OR5B2: variants seen among roughly 807,000 people sequenced by gnomAD.
OR5B2 encodes the protein olfactory receptor 5B2.
For missense variants in OR5B2, 411 were observed against 367.0 expected (o/e 1.12, Z -0.98); for synonymous variants, 163 against 140.8 (o/e 1.16, Z -1.11).
At position 58,422,610 on chromosome 11, in the gene OR5B2, A is replaced by T; in HGVS notation, c.652T>A (p.Phe218Ile). Residue 218 changes from phenylalanine to isoleucine, a missense_variant, in exon 3 of 3, where the codon TTC (phenylalanine) becomes ATC (isoleucine). Coordinates refer to ENST00000641342, the MANE Select transcript of OR5B2 (RefSeq NM_001005566.3). The part of the protein sequence containing the change: ...VLLVIFISYL[F>I]IFITILKMHS... ...ATCTTCAAGATGGTGATGAATATGA[A>T]CAAGTAGGAGATAAAGATAACTAGA... The T allele has an allele frequency of 1.9e-6, 3 of 1,613,782 alleles. No homozygotes were observed. The highest frequency in any genetic ancestry group is 2.5e-6 in the Non-Finnish European group (3 of 1,179,836).
At chr11:58,425,372 A>T (rs1317791187) in intron 2 of OR5B2, among the ~76,000 whole-genome samples, 4 of 152,088 alleles carry the variant, frequency 2.6e-5, no homozygotes, top group Non-Finnish European at 5.9e-5. Context: ...TAGAAAAAAA[A>T]TATTTAAAGC....
At position 58,423,193 on chromosome 11, in the gene OR5B2, G is replaced by T. The variant is rs745777722; in HGVS notation, c.69C>A (p.Ile23=). 3.7e-6 allele frequency: 6 copies of T among 1,613,390 alleles called. No homozygotes were observed. In the South Asian group the frequency reaches 5.5e-5, roughly 15 times the overall value. Residue 23 remains isoleucine, a synonymous_variant, in exon 3 of 3, where the codon ATC becomes ATA. Transcript: ENST00000641342. The part of the protein sequence containing the change: ...LGLTSVPELQ[I]PLFILFTFIY... ...TGAAGGTGAACAAGATAAAGAGGGG[G>T]ATCTGTAGTTCTGGGACACTGGTTA...
chr11:58,424,481 T>C (rs576658237), intron 2 of OR5B2, among the ~76,000 whole-genome samples: 79 of 152,258 alleles, frequency 5.2e-4, no homozygotes, highest in African/African-American at 1.8e-3. Context: ...ATTTCTTCCT[T>C]GAAATTTACA....
rs1217760105 is a variant in OR5B2 at position 58,423,234 on chromosome 11, A to G, written c.28T>C (p.Phe10Leu). The G allele has an allele frequency of 1.2e-6, 2 of 1,604,496 alleles. No homozygotes were observed. The highest frequency in any genetic ancestry group is 1.7e-5 in the Admixed American group (1 of 59,172). Residue 10 changes from phenylalanine (F) to leucine (L), a missense_variant, in exon 3 of 3, where the codon TTC becomes CTC. Coordinates refer to ENST00000641342, the MANE Select transcript of OR5B2 (RefSeq NM_001005566.3). The stretch of plus-strand genomic sequence containing the variant: ...ACACTGGTTAGTCCTAGAAGAATGA[A>G]CTTTGTCACTTCCGTACAATTCTCC... MENCTEVTK[F>L]ILLGLTSVPE...
At chr11:58,424,275 A>G (rs1443473595) in intron 2 of OR5B2, among the ~76,000 whole-genome samples, 4 of 152,168 alleles carry the variant, frequency 2.6e-5, no homozygotes, top group Non-Finnish European at 4.4e-5. Context: ...ATGATCTGTT[A>G]GTTTCATAAA....
At chr11:58,425,897 T>A (rs1302974900) in intron 2 of OR5B2, among the ~76,000 whole-genome samples, 1 of 152,136 alleles carries the variant, frequency 6.6e-6, no homozygotes, top group Non-Finnish European at 1.5e-5. Context: ...GGTCACAATG[T>A]AAATCGTGTG....
In OR5B2 at chr11:58,423,107, C is replaced by G; in HGVS notation, c.155G>C (p.Cys52Ser). ...GMMLLILMDS[C>S]LHTPMYFFLS... ...GAAAAAGTACATGGGGGTGTGGAGACAAGAGTCCATCAGGATCAGCAACAT... is the reference window on the plus strand; with the variant it reads ...GAAAAAGTACATGGGGGTGTGGAGAGAAGAGTCCATCAGGATCAGCAACAT... The change falls in exon 3 of 3, where the codon TGT becomes TCT. Residue 52 changes from cysteine (C) to serine (S), a missense_variant. By Grantham distance (112) the Cys-to-Ser change is moderately radical (BLOSUM62 -1). Transcript: ENST00000641342. The G allele has an allele frequency of 6.2e-7, 1 of 1,613,638 alleles. No individual in the cohort carries two copies. The highest frequency in any genetic ancestry group is 2.2e-5 in the East Asian group (1 of 44,844).
chr11:58,422,450 A>C lies in OR5B2; in HGVS notation c.812T>G (p.Met271Arg). The change falls in exon 3 of 3, where the codon ATG becomes AGG. Residue 271 changes from methionine to arginine, a missense_variant. Physicochemically the swap from Met to Arg is moderately conservative, Grantham distance 91. Coordinates refer to ENST00000641342, the MANE Select transcript of OR5B2 (RefSeq NM_001005566.3). ...GATCATAGCATAGAACACAGATGCC[A>C]TTTTGTCTGTGTCCATGGAGTGGCT... The part of the protein sequence containing the change: ...SSSHSMDTDK[M>R]ASVFYAMIIP... 6.2e-7 allele frequency: 1 copy of C among 1,613,754 alleles called. No homozygotes were observed. Among genetic ancestry groups the C allele is most frequent in the Middle Eastern group, 1.7e-4 (1 of 6,058 alleles).
In OR5B2 at chr11:58,422,828, C is replaced by A. The variant is rs775716875; in HGVS notation, c.434G>T (p.Gly145Val). The change falls in exon 3 of 3, where the codon GGC becomes GTC. Residue 145 changes from glycine to valine, a missense_variant. Transcript: ENST00000641342. The stretch of plus-strand genomic sequence containing the variant: ...ATTTAGGAAGCCACAGACATATGAG[C>A]CTAGGGCCAGACAGGCACCTACACT... The part of the protein sequence containing the change: ...TASVGACLAL[G>V]SYVCGFLNAS... 3 of 1,613,652 alleles carry A rather than the reference C, an allele frequency of 1.9e-6. No homozygotes were observed. The South Asian group carries it at 3.3e-5, about 18-fold the overall frequency.
Position 58,423,041 on chromosome 11 carries a change from G to A in OR5B2, c.221C>T (p.Ala74Val). 6.2e-7 allele frequency: 1 copy of A among 1,613,542 alleles called. No individual in the cohort carries two copies. The highest frequency in any genetic ancestry group is 1.1e-5 in the South Asian group (1 of 91,060). Residue 74 changes from alanine to valine, a missense_variant, in exon 3 of 3, where the codon GCT (alanine) becomes GTT (valine). Physicochemically the swap from Ala to Val is moderately conservative, Grantham distance 64. Transcript: ENST00000641342. ...LSLVDFGYSS[A>V]VTPKVMAGFL... ...CCCAGCCATGACCTTGGGAGTGACA[G>A]CTGAGGAGTATCCAAAGTCCACCAG...
rs949803292 is a variant in OR5B2, at chr11:58,425,479, G to T, written c.-29+1143C>A. Among the ~76,000 whole-genome samples, 11 of 152,038 alleles carry T rather than the reference G, an allele frequency of 7.2e-5. No individual in the cohort carries two copies. The South Asian group carries it at 8.3e-4, about 11-fold the overall frequency. Reference sequence around the variant, plus strand: ...CTAAATGTATATATGGAACATAGAAGTTTACCTTGTGCCTGGAAAAAAAGA... The same window carrying T: ...CTAAATGTATATATGGAACATAGAATTTTACCTTGTGCCTGGAAAAAAAGA... On this transcript the variant is annotated intron_variant, in intron 2 of 2. Coordinates refer to ENST00000641342, the MANE Select transcript of OR5B2 (RefSeq NM_001005566.3).
chr11:58,423,564 C>T (rs557049421), intron 2 of OR5B2, among the ~76,000 whole-genome samples: 4 of 152,018 alleles, frequency 2.6e-5, no homozygotes, highest in Non-Finnish European at 5.9e-5. Context: ...CAAGATGACT[C>T]ATCTGGAACT....
intron 2 of OR5B2, among the ~76,000 whole-genome samples, chr11:58,424,715 A>G (rs1335291370): frequency 6.6e-6 from 1 of 152,114 alleles, no homozygotes; most frequent in Admixed American, 6.6e-5. Flanking sequence ...TCCTCTAACT[A>G]CTATTCATCT....
At chr11:58,425,916 A>T (rs1022159063) in intron 2 of OR5B2, among the ~76,000 whole-genome samples, 30 of 152,104 alleles carry the variant, frequency 2.0e-4, no homozygotes, top group African/African-American at 6.5e-4. Flanking sequence ...TGGACTCCTT[A>T]TTTTAAAAAA....
In OR5B2 at chr11:58,422,922, C is replaced by A; in HGVS notation, c.340G>T (p.Ala114Ser). 3 of 1,613,718 alleles carry A rather than the reference C, an allele frequency of 1.9e-6. No homozygotes were observed. The highest frequency in any genetic ancestry group is 2.5e-6 in the Non-Finnish European group (3 of 1,179,846). The change falls in exon 3 of 3, where the codon GCC becomes TCC. Residue 114 changes from alanine to serine, a missense_variant. Coordinates refer to ENST00000641342, the MANE Select transcript of OR5B2 (RefSeq NM_001005566.3). ...GCATAGCGGTCATAGGCCATTGAGG[C>A]CAACAAGTAATTTTCCACCGTGGCC... Reference protein sequence around the residue: ...ALATVENYLLASMAYDRYAAV... With the variant: ...ALATVENYLLSSMAYDRYAAV...
rs1434885427 is a variant in OR5B2 at position 58,421,708 on chromosome 11, G to GCAA, written c.*623_*624insTTG. The GCAA allele has an allele frequency of 6.6e-6, 1 of 152,034 alleles. No homozygotes were observed. The highest frequency in any genetic ancestry group is 2.4e-5 in the African/African-American group (1 of 41,412). 9.4% of individuals were successfully genotyped at this position (152,034 alleles called of 1,614,324 possible). A position where few individuals can be genotyped will look rare whatever the true frequency, so the allele number is the denominator to read the frequency against. ...AGATGATAATGATGTGTCAATGTAG[G>GCAA]TTCATCAATTGTAAAAAATGTAGCA... On this transcript the variant is annotated 3_prime_UTR_variant, in exon 3 of 3. Transcript: ENST00000641342.
At chr11:58,427,799 T>A (rs1003440779) in intron 1 of OR5B2, among the ~76,000 whole-genome samples, 4 of 152,054 alleles carry the variant, frequency 2.6e-5, no homozygotes, top group African/African-American at 9.7e-5. Context: ...CGGGAACTTT[T>A]TGAGTTTCCC....
At position 58,421,734 on chromosome 11, in the gene OR5B2, C is replaced by T. The variant is rs1855274261; in HGVS notation, c.*598G>A. 1 of 152,006 alleles carries T rather than the reference C, an allele frequency of 6.6e-6. No homozygotes were observed. The highest frequency in any genetic ancestry group is 2.1e-4 in the South Asian group (1 of 4,822). 9.4% of individuals were successfully genotyped at this position (152,006 alleles called of 1,614,324 possible). A position where few individuals can be genotyped will look rare whatever the true frequency, so the allele number is the denominator to read the frequency against. ...TTCATCAATTGTAAAAAATGTAGCA[C>T]TCTGTTGGAGGATATTGACAATGAG... is the stretch of plus-strand genomic sequence containing the variant. On this transcript the variant is annotated 3_prime_UTR_variant, in exon 3 of 3. Transcript: ENST00000641342.
In OR5B2 at chr11:58,421,393, A is replaced by G. The variant is rs1331850381; in HGVS notation, c.*939T>C. ...TCAAGCCACGAAAAGTTATGGAGAA[A>G]ACAGATGCATATTACTATGTGAAAT... is the stretch of plus-strand genomic sequence containing the variant. On this transcript the variant is annotated 3_prime_UTR_variant, in exon 3 of 3. Transcript: ENST00000641342. The G allele has an allele frequency of 1.3e-5, 2 of 152,178 alleles. No homozygotes were observed. Among genetic ancestry groups the G allele is most frequent in the African/African-American group, 4.8e-5 (2 of 41,448 alleles). 9.4% of individuals were successfully genotyped at this position (152,178 alleles called of 1,614,324 possible).
Sources: gnomAD v4.1 joint callset for allele counts (sites outside exome capture counted in the v4.1 genomes callset) on GRCh38, gnomAD v4.1.1 for gene constraint, MANE v1.5 for transcripts, NCBI Gene and HGNC (gene_info 2026-07-23, HGNC 2026-07-21) for gene names.